Variants in MYO9B observed in about 807,000 individuals in gnomAD.
MYO9B encodes the protein myosin IXB.
Under a neutral mutation model 229.5 loss-of-function variants are expected in MYO9B, and 71 were observed. The ratio of observed to expected loss-of-function variants is 0.31; its 90% CI spans 0.26 to 0.38. The LOEUF (loss-of-function observed/expected upper bound fraction) is 0.38. Among genes scored for constraint, MYO9B ranks in the 10% least tolerant of loss-of-function variants. MYO9B has a pLI of 1.00. For synonymous variants in MYO9B, 1,185 were observed against 1,235.8 expected, an observed-to-expected ratio of 0.96 and a Z score of 0.86; for missense variants, 2,255 against 2,920.5, an observed-to-expected ratio of 0.77 and a Z score of 5.25.
At chr19:17,185,787 A>C in intron 17 of MYO9B, 134 bp from the exon 18 acceptor site, 1 of 654,670 alleles carries the variant, frequency 1.5e-6, no homozygotes, top group Non-Finnish European at 2.7e-6. Flanking sequence ...CCTGTGTCCC[A>C]CCACCAGGGA....
chr19:17,097,824 A>G (rs2057707545), intron 1 of MYO9B, among the ~76,000 whole-genome samples: 1 of 152,152 alleles, frequency 6.6e-6, no homozygotes, highest in Non-Finnish European at 1.5e-5. Context: ...GAAGGGCTGG[A>G]TAGTAAATAT....
Position 17,110,866 on chromosome 19 carries a change from C to A in MYO9B, c.840+8309C>A, listed in dbSNP as rs1329585593. Reference sequence around the variant, plus strand: ...TCCTGAACGTGCCACTGCCCCAGACCCCCCTCTTGGGGCAAAGGAACCTAG... The same window carrying A: ...TCCTGAACGTGCCACTGCCCCAGACACCCCTCTTGGGGCAAAGGAACCTAG... On this transcript the variant is annotated intron_variant, in intron 2 of 39. Transcript: ENST00000682292. Among the ~76,000 whole-genome samples the A allele has an allele frequency of 2.0e-5, 3 of 152,204 alleles. No individual in the cohort carries two copies. The East Asian group carries it at 5.8e-4, about 29-fold the overall frequency.
chr19:17,189,032 A>G (rs2072951347), intron 19 of MYO9B, among the ~76,000 whole-genome samples: 1 of 151,268 alleles, frequency 6.6e-6, no homozygotes, highest in Non-Finnish European at 1.5e-5. Context: ...ATGGTGGGGC[A>G]CACCTGTAAC....
chr19:17,136,546 C>T lies in MYO9B; in HGVS notation c.841-8851C>T, dbSNP rs181090688. Among the ~76,000 whole-genome samples, 616 of 152,194 alleles carry T rather than the reference C, an allele frequency of 4.0e-3. 7 individuals carry two copies. The highest frequency in any genetic ancestry group is 0.014 in the African/African-American group (595 of 41,540). ...TTTCTGTCTGTGTACATCAATGCTCCGCAGCCGGGGTGATTTGCCGATCTC... is the reference window on the plus strand; with the variant it reads ...TTTCTGTCTGTGTACATCAATGCTCTGCAGCCGGGGTGATTTGCCGATCTC... On this transcript the variant is annotated intron_variant, in intron 2 of 39. Coordinates refer to ENST00000682292, the MANE Select transcript of MYO9B (RefSeq NM_004145.4).
chr19:17,112,626 G>T (rs114053909), intron 2 of MYO9B, among the ~76,000 whole-genome samples: 3,637 of 152,292 alleles, frequency 0.024, 57 homozygotes, highest in East Asian at 0.051. Context: ...GGCTGCAGGG[G>T]AACTGCCCGG....
At chr19:17,155,031 C>G (rs528351311) in intron 6 of MYO9B, among the ~76,000 whole-genome samples, 1 of 152,016 alleles carries the variant, frequency 6.6e-6, no homozygotes, top group Non-Finnish European at 1.5e-5. Flanking sequence ...CTTTGGAAGG[C>G]CAAGGCAACA....
intron 2 of MYO9B, among the ~76,000 whole-genome samples, chr19:17,121,158 G>A (rs1386040614): frequency 6.6e-6 from 1 of 152,116 alleles, no homozygotes; most frequent in Non-Finnish European, 1.5e-5. Flanking sequence ...GTCCAGCCTG[G>A]TCTCGAACTC....
chr19:17,089,621 G>C (rs752337316), intron 1 of MYO9B, among the ~76,000 whole-genome samples: 4 of 151,782 alleles, frequency 2.6e-5, no homozygotes, highest in Admixed American at 2.6e-4. Flanking sequence ...GTTTTTTTTC[G>C]TTGTCATGCC....
At chr19:17,182,084 T>C (rs2072868134) in intron 15 of MYO9B, among the ~76,000 whole-genome samples, 1 of 151,318 alleles carries the variant, frequency 6.6e-6, no homozygotes, top group Non-Finnish European at 1.5e-5. Flanking sequence ...TTTTTTTTTT[T>C]CTTTTTTAAG....
chr19:17,100,528 A>G (rs11879760), intron 1 of MYO9B, among the ~76,000 whole-genome samples: 278 of 152,290 alleles, frequency 1.8e-3, no homozygotes, highest in African/African-American at 6.2e-3. Flanking sequence ...GCTACTTACC[A>G]CCTTCCTGGT....
intron 2 of MYO9B, among the ~76,000 whole-genome samples, chr19:17,134,396 T>G (rs1455605809): frequency 5.2e-4 from 64 of 122,336 alleles, no homozygotes; most frequent in East Asian, 2.2e-4. Context: ...TTTTTTTTTT[T>G]TTTTTTTTTT....
At chr19:17,124,483 C>T (rs778298545) in intron 2 of MYO9B, among the ~76,000 whole-genome samples, 6 of 152,082 alleles carry the variant, frequency 3.9e-5, no homozygotes, top group Non-Finnish European at 8.8e-5. Context: ...TGAAGAGATA[C>T]AAACACAGCT....
rs914465836 is a variant in MYO9B at position 17,172,033 on chromosome 19, C to T, written c.1794-303C>T. On this transcript the variant is annotated intron_variant, in intron 11 of 39. Transcript: ENST00000682292. This position sits in a 1 kb window ranked among gnomAD's most constrained non-coding sequence, Gnocchi z 8.2. ...ACCAGGCTGCAGCTATGCCAGCTGACGCAGAGAGCAGAGTCCCAGCCCTCC... is the reference window on the plus strand; with the variant it reads ...ACCAGGCTGCAGCTATGCCAGCTGATGCAGAGAGCAGAGTCCCAGCCCTCC... 5.3e-5 allele frequency among the ~76,000 whole-genome samples: 8 copies of T among 152,170 alleles called. No individual in the cohort carries two copies. Among genetic ancestry groups the T allele is most frequent in the Admixed American group, 3.3e-4 (5 of 15,282 alleles).
At chr19:17,105,344 AATT>A (rs2057782980) in intron 2 of MYO9B, among the ~76,000 whole-genome samples, 1 of 147,316 alleles carries the variant, frequency 6.8e-6, no homozygotes, top group African/African-American at 2.5e-5. Context: ...AAAAAAAAAA[AATT>A]AGCCAGGTGT....
At chr19:17,093,892 T>TTTATTTATTTAC (rs1397236725) in intron 1 of MYO9B, among the ~76,000 whole-genome samples, 1 of 150,860 alleles carries the variant, frequency 6.6e-6, no homozygotes, top group Non-Finnish European at 1.5e-5. Flanking sequence ...TATTTATTTA[T>TTTATTTATTTAC]TTACTTTGTA....
intron 2 of MYO9B, among the ~76,000 whole-genome samples, chr19:17,112,075 G>A (rs1431088711): frequency 6.6e-6 from 1 of 152,170 alleles, no homozygotes; most frequent in African/African-American, 2.4e-5. Flanking sequence ...TGGCTGGTAT[G>A]TGGTTGGGGT....
intron 36 of MYO9B, 148 bp downstream of exon 36, chr19:17,209,857 C>T (rs1028911297): frequency 9.1e-7 from 1 of 1,100,528 alleles, no homozygotes; most frequent in South Asian, 1.7e-5. Flanking sequence ...CCTCCCATGC[C>T]GAGGATGGGA....
rs773057279 is a variant in MYO9B at position 17,172,926 on chromosome 19, C to T, written c.2103C>T (p.Ala701=). The change falls in exon 13 of 40, where the codon GCC becomes GCT. Residue 701 remains alanine, a synonymous_variant. Transcript: ENST00000682292. This position sits in a 1 kb window ranked among gnomAD's most constrained non-coding sequence, Gnocchi z 8.2. The part of the protein sequence containing the change: ...AIRAMAVLRE[A]GRLRAERAEK... Reference sequence around the variant, plus strand: ...GGGCCATGGCAGTGCTTCGGGAGGCCGGACGCCTGCGGGCCGAGAGGGCCG... The same window carrying T: ...GGGCCATGGCAGTGCTTCGGGAGGCTGGACGCCTGCGGGCCGAGAGGGCCG... 17 of 1,599,086 alleles carry T rather than the reference C, an allele frequency of 1.1e-5. No individual in the cohort carries two copies. The highest frequency in any genetic ancestry group is 1.3e-5 in the African/African-American group (1 of 74,904).
intron 1 of MYO9B, among the ~76,000 whole-genome samples, chr19:17,078,275 G>A (rs1049443413): frequency 2.0e-5 from 3 of 152,142 alleles, no homozygotes; most frequent in African/African-American, 7.2e-5. Flanking sequence ...GCTGGGCCGC[G>A]GTGGCTCAGG....
Sources: allele counts gnomAD v4.1 joint callset (sites outside exome capture counted in the v4.1 genomes callset), GRCh38; gene constraint gnomAD v4.1.1; non-coding constraint Gnocchi (gnomAD v3.1); transcripts MANE v1.5; gene names NCBI Gene and HGNC (gene_info 2026-07-23, HGNC 2026-07-21).